Variants in ATP10B observed in about 807,000 individuals in gnomAD.
ATP10B encodes phospholipid-transporting ATPase VB.
Under a neutral mutation model 141.2 loss-of-function variants are expected in ATP10B, and 122 were observed. The ratio of observed to expected loss-of-function variants is 0.86; its 90% CI spans 0.75 to 1.00. The LOEUF (loss-of-function observed/expected upper bound fraction) is 1.00. Among genes scored for constraint, ATP10B ranks in the 50% least tolerant of loss-of-function variants. The pLI is 0.00. For synonymous variants in ATP10B, 685 were observed against 692.0 expected (o/e 0.99, Z 0.16); for missense variants, 1,876 against 1,825.3 (o/e 1.03, Z -0.51).
chr5:160,659,281 T>G (rs959587071), intron 7 of ATP10B, among the ~76,000 whole-genome samples: 9 of 151,986 alleles, frequency 5.9e-5, no homozygotes, highest in Admixed American at 1.3e-4. Flanking sequence ...CTGGCCAACA[T>G]AGTGAAACTC....
intron 1 of ATP10B, among the ~76,000 whole-genome samples, chr5:160,809,995 C>T (rs1365860153): frequency 6.6e-6 from 1 of 152,138 alleles, no homozygotes; most frequent in East Asian, 1.9e-4. Flanking sequence ...TAACCTAAAG[C>T]TTTCAAAATT....
At chr5:160,792,583 A>G (rs932948964) in intron 1 of ATP10B, among the ~76,000 whole-genome samples, 1 of 152,158 alleles carries the variant, frequency 6.6e-6, no homozygotes, top group Non-Finnish European at 1.5e-5. Flanking sequence ...ACAGTACAGC[A>G]GTCACCTTGG....
At chr5:160,877,123 C>A in the ATP10B span, among the ~76,000 whole-genome samples, 1 of 152,036 alleles carries the variant, frequency 6.6e-6, no homozygotes, top group Non-Finnish European at 1.5e-5. Flanking sequence ...AACATTGATG[C>A]AAAAATCCTC....
chr5:160,900,727 T>C, the ATP10B span, among the ~76,000 whole-genome samples: 1 of 152,150 alleles, frequency 6.6e-6, no homozygotes, highest in Non-Finnish European at 1.5e-5. Context: ...GCCATATGTA[T>C]ACAACAAGTT....
intron 13 of ATP10B, among the ~76,000 whole-genome samples, chr5:160,623,326 T>C (rs142764075): frequency 6.6e-6 from 1 of 152,094 alleles, no homozygotes; most frequent in East Asian, 1.9e-4. Flanking sequence ...TCCACAGGAG[T>C]CAGGCATGTA....
At chr5:160,846,521 A>G (rs1385808536) in intron 1 of ATP10B, among the ~76,000 whole-genome samples, 1 of 152,154 alleles carries the variant, frequency 6.6e-6, no homozygotes, top group Non-Finnish European at 1.5e-5. Flanking sequence ...TCGCCAAGCT[A>G]GTAGTTTTTA....
chr5:160,766,937 A>T (rs1467270764), intron 2 of ATP10B, among the ~76,000 whole-genome samples: 1 of 152,182 alleles, frequency 6.6e-6, no homozygotes, highest in Non-Finnish European at 1.5e-5. Flanking sequence ...GCAGTTTGAC[A>T]CCTGCTCCTA....
chr5:160,658,425 C>A (rs1020504839), intron 7 of ATP10B, among the ~76,000 whole-genome samples: 1 of 152,170 alleles, frequency 6.6e-6, no homozygotes, highest in East Asian at 1.9e-4. Context: ...GGATGAACGA[C>A]CATGGTCACA....
At chr5:160,842,601 A>C (rs1375437486) in intron 1 of ATP10B, among the ~76,000 whole-genome samples, 1 of 152,076 alleles carries the variant, frequency 6.6e-6, no homozygotes, top group Non-Finnish European at 1.5e-5. Context: ...GAACTTAAGG[A>C]ATATTAAAAA....
intron 1 of ATP10B, among the ~76,000 whole-genome samples, chr5:160,824,649 T>C (rs2127967479): frequency 6.6e-6 from 1 of 152,050 alleles, no homozygotes; most frequent in African/African-American, 2.4e-5. Context: ...ACAGCATGTT[T>C]CTTTGCTGAA....
the ATP10B span, among the ~76,000 whole-genome samples, chr5:160,882,922 G>GA: frequency 7.4e-3 from 1,126 of 151,808 alleles, 18 homozygotes; most frequent in African/African-American, 0.025. Flanking sequence ...GAATGCAGAA[G>GA]AAAAAATAGA....
chr5:160,752,364 T>C (rs75707076), intron 2 of ATP10B, among the ~76,000 whole-genome samples: 3,260 of 152,250 alleles, frequency 0.021, 49 homozygotes, highest in Middle Eastern at 0.048. Flanking sequence ...TGTGACAGGC[T>C]TAATGAGGAC....
At chr5:160,625,618 C>T (rs1271802043) in intron 13 of ATP10B, among the ~76,000 whole-genome samples, 1 of 152,210 alleles carries the variant, frequency 6.6e-6, no homozygotes, top group Non-Finnish European at 1.5e-5. Context: ...TACCACCTGA[C>T]TCCCATCCTC....
At chr5:160,814,415 TGAGAA>T (rs1405480135) in intron 1 of ATP10B, among the ~76,000 whole-genome samples, 2 of 151,964 alleles carry the variant, frequency 1.3e-5, no homozygotes, top group Admixed American at 6.6e-5. Flanking sequence ...TGAAATGAAG[TGAGAA>T]GAGAAGTTTA....
the ATP10B span, among the ~76,000 whole-genome samples, chr5:160,885,579 A>G: frequency 2.0e-5 from 3 of 152,210 alleles, no homozygotes; most frequent in Admixed American, 2.0e-4. Flanking sequence ...AAGTTATTAA[A>G]TCCCATTTTG....
At chr5:160,849,915 A>C (rs1229134822) in intron 1 of ATP10B, among the ~76,000 whole-genome samples, 1 of 152,230 alleles carries the variant, frequency 6.6e-6, no homozygotes, top group African/African-American at 2.4e-5. Context: ...AGTGACATTT[A>C]ATCAGCAGAA....
intron 2 of ATP10B, 102 bp from the exon 3 acceptor site, chr5:160,717,136 A>C: frequency 1.2e-6 from 1 of 829,642 alleles, no homozygotes; most frequent in South Asian, 5.5e-5. Context: ...TTTATGTGAA[A>C]CTATATTGTT....
rs752876552 is a variant in ATP10B at position 160,632,200 on chromosome 5, C to A, written c.1549G>T (p.Gly517Cys). 7.4e-6 allele frequency: 12 copies of A among 1,614,042 alleles called. No individual in the cohort carries two copies. The highest frequency in any genetic ancestry group is 3.3e-5 in the Admixed American group (2 of 60,006). Reference sequence around the variant, plus strand: ...CCCATAGACCTTTGCCGGTAGTGGCCCTGGATGGGCACCCGGGCACTCTGG... The same window carrying A: ...CCCATAGACCTTTGCCGGTAGTGGCACTGGATGGGCACCCGGGCACTCTGG... ...RSQSARVPIQ[G>C]HYRQRSMGHR... Residue 517 changes from glycine (G) to cysteine (C), a missense_variant, in exon 13 of 26, where the codon GGC (glycine) becomes TGC (cysteine). By Grantham distance (159) the Gly-to-Cys change is radical. Coordinates refer to ENST00000327245, the MANE Select transcript of ATP10B (RefSeq NM_025153.3).
At chr5:160,618,106 A>G (rs899910915) in intron 15 of ATP10B, 133 bp from the exon 16 acceptor site, 1 of 719,600 alleles carries the variant, frequency 1.4e-6, no homozygotes, top group Non-Finnish European at 2.4e-6. Context: ...CACCTTAGAA[A>G]CCTGAAGGAG....
Sources: gnomAD v4.1 joint callset for allele counts (sites outside exome capture counted in the v4.1 genomes callset) on GRCh38, gnomAD v4.1.1 for gene constraint, MANE v1.5 for transcripts, NCBI Gene and HGNC (gene_info 2026-07-23, HGNC 2026-07-21) for gene names.